MSR1: variants seen among roughly 807,000 people sequenced by gnomAD.
The protein encoded by MSR1 is macrophage scavenger receptor types I and II.
In MSR1, 53 loss-of-function variants were observed where a neutral mutation model predicts 47.2. The observed-to-expected ratio is 1.12, with a 90% CI of 0.90 to 1.41. The LOEUF is 1.41. Among genes scored for constraint, MSR1 ranks in the 40% most tolerant of loss-of-function variants. MSR1 has a pLI of 0.00. For synonymous variants in MSR1, 239 were observed against 185.6 expected (o/e 1.29, Z -2.34); for missense variants, 786 against 546.9 (o/e 1.44, Z -4.36).
At chr8:16,175,397 C>T in intron 2 of MSR1, 97 bp from the exon 3 acceptor site, 2 of 998,960 alleles carry the variant, frequency 2.0e-6, no homozygotes, top group Non-Finnish European at 3.1e-6. Context: ...TACTACCAAG[C>T]CTATTGGAAT....
intron 1 of MSR1, among the ~76,000 whole-genome samples, chr8:16,188,395 G>A (rs1157125420): frequency 6.6e-6 from 1 of 151,958 alleles, no homozygotes; most frequent in African/African-American, 2.4e-5. Context: ...ATGTATACCT[G>A]TAACATAGTT....
chr8:16,180,295 A>T (rs559999259), intron 1 of MSR1, among the ~76,000 whole-genome samples: 6 of 152,270 alleles, frequency 3.9e-5, no homozygotes, highest in Non-Finnish European at 8.8e-5. Flanking sequence ...AGCAGCTTTT[A>T]AAAATGTTCC....
intron 4 of MSR1, among the ~76,000 whole-genome samples, chr8:16,166,949 AC>A (rs1801330293): frequency 2.0e-5 from 3 of 151,888 alleles, no homozygotes; most frequent in African/African-American, 7.3e-5. Context: ...ACACACACAC[AC>A]ACACACACAC....
At chr8:16,134,923 C>T (rs1044292015) in intron 8 of MSR1, among the ~76,000 whole-genome samples, 1 of 152,162 alleles carries the variant, frequency 6.6e-6, no homozygotes, top group Non-Finnish European at 1.5e-5. Flanking sequence ...CAGAGCAAGG[C>T]TCTACCTCTC....
chr8:16,162,074 A>C (rs1801178366), intron 5 of MSR1, among the ~76,000 whole-genome samples: 2 of 152,066 alleles, frequency 1.3e-5, no homozygotes, highest in African/African-American at 4.8e-5. Flanking sequence ...TGATAGACAT[A>C]AATCCACTAA....
At chr8:16,124,513 CT>C (rs931252929) in intron 8 of MSR1, among the ~76,000 whole-genome samples, 3 of 152,106 alleles carry the variant, frequency 2.0e-5, no homozygotes, top group African/African-American at 4.8e-5. Flanking sequence ...ACTGCTTTGT[CT>C]TTTTACTTTA....
intron 9 of MSR1, among the ~76,000 whole-genome samples, chr8:16,117,886 TATA>T (rs1449187769): frequency 2.0e-5 from 3 of 152,070 alleles, no homozygotes; most frequent in African/African-American, 4.8e-5. Flanking sequence ...TATATTACAG[TATA>T]ATAATAATAG....
intron 5 of MSR1, among the ~76,000 whole-genome samples, chr8:16,157,530 T>C (rs1346577790): frequency 2.0e-5 from 3 of 151,984 alleles, no homozygotes; most frequent in Non-Finnish European, 4.4e-5. Context: ...ATTCTTCATG[T>C]AACATTAATC....
intron 7 of MSR1, among the ~76,000 whole-genome samples, chr8:16,149,042 G>A (rs1017206478): frequency 6.6e-6 from 1 of 152,144 alleles, no homozygotes; most frequent in Non-Finnish European, 1.5e-5. Flanking sequence ...GAGGAATAGA[G>A]TTGGTGGAGC....
chr8:16,174,695 A>G (rs1801588733), intron 3 of MSR1, among the ~76,000 whole-genome samples: 1 of 152,178 alleles, frequency 6.6e-6, no homozygotes, highest in African/African-American at 2.4e-5. Flanking sequence ...ATTATTCTAC[A>G]AAGTCTCCTC....
intron 1 of MSR1, among the ~76,000 whole-genome samples, chr8:16,190,242 G>C (rs413871): frequency 0.019 from 2,913 of 151,928 alleles, 96 homozygotes; most frequent in African/African-American, 0.066. Flanking sequence ...GTTTCTTTAG[G>C]ATAATTCATC....
intron 8 of MSR1, among the ~76,000 whole-genome samples, chr8:16,129,987 G>T (rs1201775110): frequency 1.3e-5 from 2 of 152,146 alleles, no homozygotes; most frequent in African/African-American, 4.8e-5. Flanking sequence ...AAGGGAAGTG[G>T]AGTGTTGGGC....
intron 4 of MSR1, among the ~76,000 whole-genome samples, chr8:16,166,170 T>C (rs1023142195): frequency 6.2e-3 from 849 of 137,096 alleles, no homozygotes; most frequent in African/African-American, 0.021. Context: ...CTTTCTTTTT[T>C]TTTTTTTTTT....
rs564773345 is a variant in MSR1 at position 16,181,452 on chromosome 8, T to C, written c.-4-3460A>G. Among the ~76,000 whole-genome samples, 3 of 152,236 alleles carry C rather than the reference T, an allele frequency of 2.0e-5. No homozygotes were observed. The East Asian group carries it at 5.8e-4, about 29-fold the overall frequency. ...AAGAAAATGTGGCACATATACACCA[T>C]GGAATACTATGCAGCCATAAAAAAG... On this transcript the variant is annotated intron_variant, in intron 1 of 9. Transcript: ENST00000262101.
intron 1 of MSR1, among the ~76,000 whole-genome samples, chr8:16,179,690 G>C (rs913469506): frequency 3.3e-5 from 5 of 151,694 alleles, no homozygotes; most frequent in Admixed American, 6.6e-5. Context: ...GACCAGCCTG[G>C]CCAACATGGT....
intron 3 of MSR1, among the ~76,000 whole-genome samples, chr8:16,173,800 C>T (rs1209859896): frequency 6.6e-6 from 1 of 152,062 alleles, no homozygotes; most frequent in Non-Finnish European, 1.5e-5. Context: ...AGGCACCCGC[C>T]ACCACTCCTG....
intron 4 of MSR1, among the ~76,000 whole-genome samples, chr8:16,164,960 T>A (rs1476647771): frequency 1.3e-5 from 2 of 152,078 alleles, no homozygotes; most frequent in South Asian, 2.1e-4. Flanking sequence ...TATTTATCTA[T>A]TAAAATACTT....
intron 2 of MSR1, among the ~76,000 whole-genome samples, chr8:16,177,561 C>A (rs575730301): frequency 6.6e-6 from 1 of 151,992 alleles, no homozygotes; most frequent in African/African-American, 2.4e-5. Flanking sequence ...TACAACAACT[C>A]TAGAAAACTA....
At chr8:16,111,840 A>T (rs565894885) in intron 9 of MSR1, among the ~76,000 whole-genome samples, 1 of 152,324 alleles carries the variant, frequency 6.6e-6, no homozygotes, top group South Asian at 2.1e-4. Flanking sequence ...ATCAGCAAGG[A>T]TAAGGAACTG....
Sources: gnomAD v4.1 joint callset for allele counts (sites outside exome capture counted in the v4.1 genomes callset) on GRCh38, gnomAD v4.1.1 for gene constraint, MANE v1.5 for transcripts, NCBI Gene and HGNC (gene_info 2026-07-23, HGNC 2026-07-21) for gene names.